Variants in SORBS2 observed in about 807,000 individuals in gnomAD.
The protein encoded by SORBS2 is sorbin and SH3 domain containing 2, also known as sorbin and SH3 domain-containing protein 2.
Under a neutral mutation model 97.7 loss-of-function variants are expected in SORBS2, and 46 were observed. The ratio of observed to expected loss-of-function variants is 0.47; its 90% CI spans 0.37 to 0.60. The LOEUF (loss-of-function observed/expected upper bound fraction) is 0.60. SORBS2 is among the 20% of genes least tolerant of loss of function. The pLI is 0.00. For missense variants in SORBS2, 1,316 were observed against 1,282.3 expected, an observed-to-expected ratio of 1.03 and a Z score of -0.40; for synonymous variants, 476 against 473.4, an observed-to-expected ratio of 1.01 and a Z score of -0.07.
At chr4:185,791,733 C>T (rs1487128017) in intron 1 of SORBS2, among the ~76,000 whole-genome samples, 2 of 151,890 alleles carry the variant, frequency 1.3e-5, no homozygotes, top group Middle Eastern at 3.4e-3. Context: ...TGTTTTTCCC[C>T]CACAAGTACA....
chr4:185,804,252 A>T (rs1291076223), intron 1 of SORBS2, among the ~76,000 whole-genome samples: 2 of 152,246 alleles, frequency 1.3e-5, no homozygotes, highest in East Asian at 3.8e-4. Context: ...TGCTTTCAGC[A>T]GGTCCCTTTC....
chr4:185,848,618 CTTTTTTTTTTTT>C (rs537195530), intron 1 of SORBS2, among the ~76,000 whole-genome samples: 5 of 75,636 alleles, frequency 6.6e-5, no homozygotes, highest in African/African-American at 1.7e-4. Context: ...AAGGATATCT[CTTTTTTTTTTTT>C]TTTTTTTTTT....
exon 13 of SORBS2, chr4:185,593,904 A>G (rs1340565218): frequency 6.2e-7 from 1 of 1,607,838 alleles, no homozygotes; most frequent in Admixed American, 1.7e-5. Flanking sequence ...CCCACCTTGA[A>G]TATTTTCATG....
intron 2 of SORBS2, among the ~76,000 whole-genome samples, chr4:185,726,894 A>G (rs1045192414): frequency 6.6e-6 from 1 of 152,178 alleles, no homozygotes; most frequent in Admixed American, 6.5e-5. Context: ...TTGGGCATGC[A>G]TCTTTAAATA....
At chr4:185,754,267 G>A (rs2153602122) in intron 2 of SORBS2, among the ~76,000 whole-genome samples, 2 of 152,272 alleles carry the variant, frequency 1.3e-5, no homozygotes, top group Middle Eastern at 6.8e-3. Flanking sequence ...TGGACACAAA[G>A]AAGGGAATAA....
exon 3 of SORBS2, chr4:185,649,543 A>G (rs1263350683): frequency 2.5e-6 from 4 of 1,606,058 alleles, no homozygotes; most frequent in Admixed American, 3.4e-5. Flanking sequence ...ACTGGGGAGG[A>G]CGCATCCTTA....
At chr4:185,906,801 C>T (rs1024578005) in intron 1 of SORBS2, among the ~76,000 whole-genome samples, 1 of 152,080 alleles carries the variant, frequency 6.6e-6, no homozygotes, top group Non-Finnish European at 1.5e-5. Flanking sequence ...CCCCAAGTCC[C>T]CATTTGGGAG....
chr4:185,684,971 T>G lies in SORBS2; in HGVS notation c.-197-6149A>C. On this transcript the variant is annotated intron_variant, in intron 2 of 20. Coordinates refer to the SORBS2 transcript ENST00000284776. This position sits in a 1 kb window ranked among gnomAD's most constrained non-coding sequence, Gnocchi z 4.2. ...GATGAACAGTTAGAATTAGTAATCA[T>G]GGAATGCACCTGCCAATTTCACACC... 1 of 706,894 alleles carries G rather than the reference T, an allele frequency of 1.4e-6. No homozygotes were observed. Among genetic ancestry groups the G allele is most frequent in the Non-Finnish European group, 2.4e-6 (1 of 420,438 alleles). The allele number at this position is 706,894 out of a possible 1,614,324, so 43.8% of individuals were successfully genotyped here. A position where few individuals can be genotyped will look rare whatever the true frequency, so the allele number is the denominator to read the frequency against.
chr4:185,691,712 G>T (rs542467809), intron 2 of SORBS2, among the ~76,000 whole-genome samples: 1 of 152,026 alleles, frequency 6.6e-6, no homozygotes, highest in African/African-American at 2.4e-5. Flanking sequence ...AGATTAATTC[G>T]CTAGAAACGG....
At chr4:185,689,124 T>A (rs1021242741) in intron 2 of SORBS2, among the ~76,000 whole-genome samples, 1 of 152,200 alleles carries the variant, frequency 6.6e-6, no homozygotes, top group African/African-American at 2.4e-5. Context: ...AATTATTGAG[T>A]GTACTGCCCA....
chr4:185,750,764 T>C (rs945251421), intron 2 of SORBS2, among the ~76,000 whole-genome samples: 1 of 152,318 alleles, frequency 6.6e-6, no homozygotes, highest in Middle Eastern at 3.4e-3. Context: ...ACAATTTGAA[T>C]AAGAAAACTG....
intron 2 of SORBS2, among the ~76,000 whole-genome samples, chr4:185,728,135 G>T (rs2098575970): frequency 6.6e-6 from 1 of 152,126 alleles, no homozygotes; most frequent in Non-Finnish European, 1.5e-5. Flanking sequence ...GCCTGCCCAA[G>T]AACTCGATTC....
intron 2 of SORBS2, chr4:185,774,833 A>G (rs2098992204): frequency 6.6e-6 from 1 of 151,366 alleles, no homozygotes; most frequent in Non-Finnish European, 1.5e-5. Flanking sequence ...TATATATATT[A>G]TCTTTACTCA....
intron 1 of SORBS2, among the ~76,000 whole-genome samples, chr4:185,909,395 G>T (rs1316142391): frequency 1.3e-5 from 2 of 152,114 alleles, no homozygotes; most frequent in Non-Finnish European, 2.9e-5. Context: ...AGGGGTATGT[G>T]GGGAGGGGGT....
Position 185,827,738 on chromosome 4 carries a change from TCAC to T in SORBS2, c.-337-52375_-337-52373del, listed in dbSNP as rs1561212578. 2.9e-4 allele frequency among the ~76,000 whole-genome samples: 30 copies of T among 105,226 alleles called. 1 individual carries two copies. Among genetic ancestry groups the T allele is most frequent in the African/African-American group, 9.5e-4 (26 of 27,254 alleles). 69.0% of individuals were successfully genotyped at this position (105,226 alleles called of 152,430 possible). On this transcript the variant is annotated intron_variant, in intron 1 of 20. Coordinates refer to the SORBS2 transcript ENST00000284776. ...ACCATCACCATCATCACCATCATCA[TCAC>T]CATCATCACCATCATCACCATCATC...
chr4:185,709,316 T>TTTTTTTTTTTTTTTTTTTTTG (rs2098394900), intron 2 of SORBS2, among the ~76,000 whole-genome samples: 1 of 147,136 alleles, frequency 6.8e-6, no homozygotes. Flanking sequence ...TTTTTTTTTT[T>TTTTTTTTTTTTTTTTTTTTTG]TTTTTTTTAG....
At chr4:185,930,420 G>A (rs1378921959) in intron 1 of SORBS2, among the ~76,000 whole-genome samples, 3 of 151,866 alleles carry the variant, frequency 2.0e-5, no homozygotes, top group South Asian at 2.1e-4. Flanking sequence ...TCAGCCTCCC[G>A]AGTAGCTGGG....
At chr4:185,589,376 A>C in intron 14 of SORBS2, 1 of 323,498 alleles carries the variant, frequency 3.1e-6, no homozygotes, top group Non-Finnish European at 5.8e-6. Context: ...TCTTCTGGGG[A>C]CCATTTGTTG....
chr4:185,602,836 C>T (rs755286336), intron 12 of SORBS2, among the ~76,000 whole-genome samples: 1 of 152,060 alleles, frequency 6.6e-6, no homozygotes, highest in Non-Finnish European at 1.5e-5. Context: ...TTTACAAGCA[C>T]AAATAACTTC....
Sources: gnomAD v4.1 joint callset for allele counts (sites outside exome capture counted in the v4.1 genomes callset) on GRCh38, gnomAD v4.1.1 for gene constraint, Gnocchi (gnomAD v3.1) non-coding constraint, MANE v1.5 for transcripts, NCBI Gene and HGNC (gene_info 2026-07-23, HGNC 2026-07-21) for gene names.